Variants in DYRK1A observed in about 807,000 individuals in gnomAD.
DYRK1A encodes the protein dual specificity tyrosine-phosphorylation-regulated kinase 1A.
DYRK1A carries 9 observed loss-of-function variants against 79.7 expected under a neutral mutation model. That is an observed-to-expected ratio of 0.11 (90% CI 0.07 to 0.20). The LOEUF (loss-of-function observed/expected upper bound fraction) is 0.20. Among genes scored for constraint, DYRK1A ranks in the 10% least tolerant of loss-of-function variants. The pLI, the probability that DYRK1A is intolerant of heterozygous loss-of-function variation, is 1.00. For missense variants in DYRK1A, 622 were observed against 956.0 expected (o/e 0.65, Z 4.61); for synonymous variants, 349 against 329.7 (o/e 1.06, Z -0.63).
In DYRK1A at chr21:37,479,619, G is replaced by GTTTTTT. The variant is rs565080496; in HGVS notation, c.301-1007_301-1002dup. Among the ~76,000 whole-genome samples, 11 of 73,924 alleles carry GTTTTTT rather than the reference G, an allele frequency of 1.5e-4. No individual in the cohort carries two copies. The South Asian group carries it at 1.7e-3, about 12-fold the overall frequency. 48.5% of individuals were successfully genotyped at this position (73,924 alleles called of 152,430 possible). ...GTTTTTGTTTTTGTTTTTGTTTTTT[G>GTTTTTT]TTTTTTTTTTTTTTTTTGGAGACAG... On this transcript the variant is annotated intron_variant, in intron 4 of 11. Transcript: ENST00000647188.
intron 2 of DYRK1A, among the ~76,000 whole-genome samples, chr21:37,443,339 C>G (rs2051166891): frequency 6.6e-6 from 1 of 152,194 alleles, no homozygotes; most frequent in South Asian, 2.1e-4. Context: ...TCTGTTAATT[C>G]TAACAGCTGT....
chr21:37,382,085 G>T (rs1217488762), intron 1 of DYRK1A, among the ~76,000 whole-genome samples: 2 of 151,972 alleles, frequency 1.3e-5, no homozygotes, highest in Non-Finnish European at 2.9e-5. Context: ...TAAATATTTG[G>T]AAAAGCAAAT....
intron 2 of DYRK1A, among the ~76,000 whole-genome samples, chr21:37,423,667 A>C (rs2050537666): frequency 6.6e-6 from 1 of 152,090 alleles, no homozygotes; most frequent in East Asian, 1.9e-4. Flanking sequence ...AGGGGCTGCC[A>C]TTCTTTGTTT....
intron 2 of DYRK1A, among the ~76,000 whole-genome samples, chr21:37,436,635 C>T (rs1373130029): frequency 6.6e-6 from 1 of 152,126 alleles, no homozygotes; most frequent in East Asian, 1.9e-4. Context: ...AAGTGTATCC[C>T]TTTAATTGTT....
At chr21:37,456,757 CTT>C (rs1460475278) in intron 2 of DYRK1A, among the ~76,000 whole-genome samples, 1 of 152,154 alleles carries the variant, frequency 6.6e-6, no homozygotes, top group Non-Finnish European at 1.5e-5. Context: ...TGCTTGACCT[CTT>C]TGTGTGTACA....
chr21:37,471,257 A>C (rs73903996), intron 2 of DYRK1A, among the ~76,000 whole-genome samples: 1,882 of 152,324 alleles, frequency 0.012, 33 homozygotes, highest in African/African-American at 0.042. Context: ...GGGAATGAGC[A>C]AGATTGGGCA....
chr21:37,451,222 T>C (rs2051436873), intron 2 of DYRK1A, among the ~76,000 whole-genome samples: 1 of 152,174 alleles, frequency 6.6e-6, no homozygotes, highest in Non-Finnish European at 1.5e-5. Flanking sequence ...AGTTAATTTA[T>C]TACTGAAGAA....
intron 2 of DYRK1A, among the ~76,000 whole-genome samples, chr21:37,468,428 G>C (rs2052109136): frequency 6.6e-6 from 1 of 152,146 alleles, no homozygotes; most frequent in Non-Finnish European, 1.5e-5. Flanking sequence ...TCTTGAAGAA[G>C]AACAGAATTT....
At chr21:37,480,992 C>G (rs1174536425) in intron 5 of DYRK1A, 166 bp downstream of exon 5, 1 of 566,542 alleles carries the variant, frequency 1.8e-6, no homozygotes, top group African/African-American at 1.9e-5. Context: ...GGTAGTGATA[C>G]TGCATCAGTA....
Position 37,417,538 on chromosome 21 carries a change from T to TTTTTTC in DYRK1A, c.-76-2756_-76-2755insCTTTTT, listed in dbSNP as rs2050377348. On this transcript the variant is annotated intron_variant, in intron 1 of 11. Transcript: ENST00000647188. ...TTTTCTTTTTCTTTTTCTTTTTTTTTTTTTTTTTTTTTTTTTACAAATCTT... is the reference window on the plus strand; with the variant it reads ...TTTTCTTTTTCTTTTTCTTTTTTTTTTTTTTCTTTTTTTTTTTTTTTTACAAATCTT... Among the ~76,000 whole-genome samples, 557 of 99,868 alleles carry TTTTTTC rather than the reference T, an allele frequency of 5.6e-3. 10 individuals are homozygous for TTTTTTC. Among genetic ancestry groups the TTTTTTC allele is most frequent in the African/African-American group, 0.019 (535 of 27,478 alleles). 65.5% of individuals were successfully genotyped at this position (99,868 alleles called of 152,430 possible). A position where few individuals can be genotyped will look rare whatever the true frequency, so the allele number is the denominator to read the frequency against.
At chr21:37,448,071 T>C (rs1184938315) in intron 2 of DYRK1A, among the ~76,000 whole-genome samples, 1 of 152,210 alleles carries the variant, frequency 6.6e-6, no homozygotes, top group African/African-American at 2.4e-5. Context: ...AAAAATCTGC[T>C]ATATTTTAGA....
At chr21:37,416,814 C>T (rs751652794) in intron 1 of DYRK1A, among the ~76,000 whole-genome samples, 14 of 151,916 alleles carry the variant, frequency 9.2e-5, no homozygotes, top group Non-Finnish European at 2.1e-4. Flanking sequence ...TGTATTTTAT[C>T]TTTTCATATG....
chr21:37,450,409 T>G (rs979658615), intron 2 of DYRK1A, among the ~76,000 whole-genome samples: 3 of 152,234 alleles, frequency 2.0e-5, no homozygotes, highest in African/African-American at 7.2e-5. Flanking sequence ...TCTTGATTTT[T>G]ATCACGTTGT....
In DYRK1A at chr21:37,521,145, C is replaced by CT. The variant is rs1360744788; in HGVS notation, c.*8617dup. On this transcript the variant is annotated 3_prime_UTR_variant, in exon 12 of 12. Coordinates refer to ENST00000647188, the MANE Select transcript of DYRK1A (RefSeq NM_001347721.2). ...CACGTGCGTATTCACTAATTGTGGTCTTTCTCCCCAGCTCGGTTTTGTTTG... is the reference window on the plus strand; with the variant it reads ...CACGTGCGTATTCACTAATTGTGGTCTTTTCTCCCCAGCTCGGTTTTGTTTG... 6.6e-6 allele frequency: 1 copy of CT among 152,230 alleles called. No individual in the cohort carries two copies. Among genetic ancestry groups the CT allele is most frequent in the African/African-American group, 2.4e-5 (1 of 41,458 alleles). 9.4% of individuals were successfully genotyped at this position (152,230 alleles called of 1,614,324 possible).
intron 2 of DYRK1A, among the ~76,000 whole-genome samples, chr21:37,462,168 A>AT (rs1231931233): frequency 6.6e-6 from 1 of 151,614 alleles, no homozygotes; most frequent in Non-Finnish European, 1.5e-5. Context: ...TCTTAAATGG[A>AT]TTTTTTCCTC....
chr21:37,385,570 G>A (rs2049744072), intron 1 of DYRK1A, among the ~76,000 whole-genome samples: 2 of 152,126 alleles, frequency 1.3e-5, no homozygotes, highest in African/African-American at 4.8e-5. Context: ...TACCTTTGTT[G>A]TATTCTCTTG....
intron 1 of DYRK1A, among the ~76,000 whole-genome samples, chr21:37,380,073 G>C (rs1392221975): frequency 6.6e-6 from 1 of 152,124 alleles, no homozygotes; most frequent in Non-Finnish European, 1.5e-5. Flanking sequence ...AATAATTTTT[G>C]ATGTTGCTTT....
chr21:37,471,287 A>G (rs2052215122), intron 2 of DYRK1A, among the ~76,000 whole-genome samples: 1 of 152,232 alleles, frequency 6.6e-6, no homozygotes, highest in Admixed American at 6.5e-5. Context: ...GAAGAACTCT[A>G]ACATGACTGC....
At chr21:37,459,568 A>G (rs1172927703) in intron 2 of DYRK1A, among the ~76,000 whole-genome samples, 3 of 152,074 alleles carry the variant, frequency 2.0e-5, no homozygotes, top group East Asian at 3.9e-4. Flanking sequence ...TTTAGGGGGC[A>G]TGTTTTCAGT....
Sources: allele counts gnomAD v4.1 joint callset (sites outside exome capture counted in the v4.1 genomes callset), GRCh38; gene constraint gnomAD v4.1.1; transcripts MANE v1.5; gene names NCBI Gene and HGNC (gene_info 2026-07-23, HGNC 2026-07-21).